The following EYS variants were observed in gnomAD, a reference collection of about 807,000 sequenced individuals.
EYS encodes protein eyes shut homolog.
Under a neutral mutation model 282.1 loss-of-function variants are expected in EYS, and 250 were observed. The ratio of observed to expected loss-of-function variants is 0.89; its 90% CI spans 0.80 to 0.98. The LOEUF (loss-of-function observed/expected upper bound fraction) is 0.98, where lower values mean the gene tolerates loss of function less well. EYS is among the 50% of genes least tolerant of loss of function. The pLI is 0.00. For missense variants in EYS, 4,016 were observed against 3,709.0 expected, an observed-to-expected ratio of 1.08 and a Z score of -2.15; for synonymous variants, 1,355 against 1,282.9, an observed-to-expected ratio of 1.06 and a Z score of -1.20.
chr6:65,036,052 G>A (rs1772759389), intron 13 of EYS, among the ~76,000 whole-genome samples: 1 of 151,372 alleles, frequency 6.6e-6, no homozygotes, highest in Admixed American at 6.6e-5. Flanking sequence ...AATAAAGCCA[G>A]AGGCATCACA....
At chr6:64,246,055 G>A (rs1054092990) in intron 30 of EYS, among the ~76,000 whole-genome samples, 8 of 131,980 alleles carry the variant, frequency 6.1e-5, no homozygotes, top group African/African-American at 2.3e-4. Flanking sequence ...AAGAATTTTG[G>A]GTAAATCATA....
At chr6:65,245,787 T>C (rs1290130310) in intron 12 of EYS, among the ~76,000 whole-genome samples, 1 of 152,120 alleles carries the variant, frequency 6.6e-6, no homozygotes, top group Non-Finnish European at 1.5e-5. Flanking sequence ...ACTTTTTTGT[T>C]GTTTCTGGTG....
At chr6:65,408,048 A>G (rs1184449650) in intron 5 of EYS, among the ~76,000 whole-genome samples, 1 of 152,074 alleles carries the variant, frequency 6.6e-6, no homozygotes, top group African/African-American at 2.4e-5. Context: ...TGAGATGATT[A>G]TGTAGGCTTT....
At chr6:64,558,091 T>C (rs1765287062) in intron 26 of EYS, among the ~76,000 whole-genome samples, 1 of 152,094 alleles carries the variant, frequency 6.6e-6, no homozygotes, top group South Asian at 2.1e-4. Context: ...ACTTTTGAAC[T>C]GGCAATGATA....
intron 31 of EYS, among the ~76,000 whole-genome samples, chr6:64,146,766 A>T (rs1562224272): frequency 6.6e-6 from 1 of 152,162 alleles, no homozygotes; most frequent in Non-Finnish European, 1.5e-5. Context: ...GCCCTAAAGG[A>T]GAAAAGTAGA....
rs550945485 is a variant in EYS at position 64,835,490 on chromosome 6, C to T, written c.2993-12668G>A. 3.3e-3 allele frequency among the ~76,000 whole-genome samples: 483 copies of T among 145,210 alleles called. 1 individual carries two copies. The highest frequency in any genetic ancestry group is 0.012 in the African/African-American group (470 of 39,698). ...AATGTGGCTGAGAATTTAAAAAAAA[C>T]TTGTGGCAATATTTTAATACCAAGA... On this transcript the variant is annotated intron_variant, in intron 19 of 42. Coordinates refer to ENST00000503581, the MANE Select transcript of EYS (RefSeq NM_001142800.2).
intron 35 of EYS, among the ~76,000 whole-genome samples, chr6:63,902,115 A>C (rs200183903): frequency 6.6e-6 from 1 of 152,000 alleles, no homozygotes; most frequent in Admixed American, 6.6e-5. Context: ...GCTGGTCTTG[A>C]ACTCCTGTCC....
At chr6:64,026,189 C>A (rs531627592) in intron 33 of EYS, among the ~76,000 whole-genome samples, 5 of 151,980 alleles carry the variant, frequency 3.3e-5, no homozygotes, top group African/African-American at 1.2e-4. Flanking sequence ...ACAACTATTC[C>A]GATCAGCAGG....
intron 40 of EYS, among the ~76,000 whole-genome samples, chr6:63,773,399 C>T (rs1769984612): frequency 6.6e-6 from 1 of 152,112 alleles, no homozygotes; most frequent in Admixed American, 6.6e-5. Flanking sequence ...AATGAGTTAC[C>T]AAGCTGGCCA....
intron 31 of EYS, among the ~76,000 whole-genome samples, chr6:64,181,921 G>A (rs192043799): frequency 4.8e-4 from 73 of 151,968 alleles, no homozygotes; most frequent in Non-Finnish European, 8.5e-4. Flanking sequence ...ATGTTATCTC[G>A]GATTTGGCAG....
chr6:64,668,381 G>T (rs145857632), intron 22 of EYS, among the ~76,000 whole-genome samples: 2 of 152,056 alleles, frequency 1.3e-5, no homozygotes, highest in South Asian at 4.2e-4. Flanking sequence ...GGTCCCCTGC[G>T]GTGTAGACAT....
intron 22 of EYS, among the ~76,000 whole-genome samples, chr6:64,737,107 C>G (rs931334439): frequency 2.6e-5 from 4 of 152,158 alleles, no homozygotes; most frequent in African/African-American, 9.6e-5. Flanking sequence ...AAAGATGTGT[C>G]TGTAGCTTAC....
chr6:64,607,654 C>T (rs1766978380), intron 24 of EYS, among the ~76,000 whole-genome samples: 1 of 152,128 alleles, frequency 6.6e-6, no homozygotes, highest in African/African-American at 2.4e-5. Context: ...GAGATACAAA[C>T]ACTCAGGCCA....
At chr6:64,203,601 T>C (rs952285894) in intron 31 of EYS, among the ~76,000 whole-genome samples, 2 of 152,188 alleles carry the variant, frequency 1.3e-5, no homozygotes, top group African/African-American at 4.8e-5. Context: ...CACGTTTTTC[T>C]GTATGTTTTA....
rs1562220044 is a variant in EYS at position 65,493,249 on chromosome 6, C to G, written c.748+1414G>C. ...CATGTTATCACACAGCCTCTTTAAA[C>G]TTGGCTCCAATGGAGTCAGCCTCAG... On this transcript the variant is annotated intron_variant, in intron 4 of 42. Coordinates refer to ENST00000503581, the MANE Select transcript of EYS (RefSeq NM_001142800.2). 4.6e-5 allele frequency among the ~76,000 whole-genome samples: 7 copies of G among 152,294 alleles called. No individual in the cohort carries two copies. The South Asian group carries it at 1.4e-3, about 32-fold the overall frequency.
rs1329433666 is a variant in EYS at position 64,593,204 on chromosome 6, G to A, written c.3790C>T (p.Pro1264Ser). 1 of 1,549,890 alleles carries A rather than the reference G, an allele frequency of 6.5e-7. No homozygotes were observed. The highest frequency in any genetic ancestry group is 8.7e-7 in the Non-Finnish European group (1 of 1,146,116). The change falls in exon 25 of 43, where the codon CCC becomes TCC. Residue 1264 changes from proline to serine, a missense_variant. Physicochemically the swap from Pro to Ser is moderately conservative, Grantham distance 74. Coordinates refer to ENST00000503581, the MANE Select transcript of EYS (RefSeq NM_001142800.2). ...DPISTQTYTI[P>S]PSETLVSSFP... The stretch of plus-strand genomic sequence containing the variant: ...CTGCTGACCAAAGTCTCAGAAGGGG[G>A]AATTGTATATGTCTGTGTGGAAATG...
chr6:65,393,895 A>G (rs1253808565), intron 7 of EYS, among the ~76,000 whole-genome samples: 4 of 152,300 alleles, frequency 2.6e-5, no homozygotes, highest in African/African-American at 9.6e-5. Flanking sequence ...TTATCGTTGA[A>G]ATATCTCAGA....
chr6:64,372,234 T>G (rs71570674), intron 29 of EYS, among the ~76,000 whole-genome samples: 1 of 149,522 alleles, frequency 6.7e-6, no homozygotes, highest in Non-Finnish European at 1.5e-5. Flanking sequence ...GTAGGTCTGG[T>G]GGTAAAAAAT....
At chr6:64,922,555 C>T (rs1215700711) in intron 15 of EYS, among the ~76,000 whole-genome samples, 2 of 152,052 alleles carry the variant, frequency 1.3e-5, no homozygotes, top group Non-Finnish European at 1.5e-5. Context: ...ATAAAAGACT[C>T]AGGATATATA....
Sources: gnomAD v4.1 joint callset for allele counts (sites outside exome capture counted in the v4.1 genomes callset) on GRCh38, gnomAD v4.1.1 for gene constraint, MANE v1.5 for transcripts, NCBI Gene and HGNC (gene_info 2026-07-23, HGNC 2026-07-21) for gene names.